PDK1: variants seen among roughly 807,000 people sequenced by gnomAD.
PDK1 encodes [Pyruvate dehydrogenase (acetyl-transferring)] kinase isozyme 1, mitochondrial.
In PDK1, 39 loss-of-function variants were observed where a neutral mutation model predicts 54.2. That is an observed-to-expected ratio of 0.72 (90% CI 0.56 to 0.94). PDK1 has a LOEUF of 0.94. Ranked by LOEUF, PDK1 falls within the 40% of genes least tolerant of loss-of-function variation. PDK1 has a pLI of 0.00. For synonymous variants in PDK1, 221 were observed against 207.1 expected, an observed-to-expected ratio of 1.07 and a Z score of -0.58; for missense variants, 552 against 566.0, an observed-to-expected ratio of 0.98 and a Z score of 0.25.
At chr2:172,703,270 C>G in the PDK1 span, among the ~76,000 whole-genome samples, 2 of 152,182 alleles carry the variant, frequency 1.3e-5, no homozygotes, top group Non-Finnish European at 2.9e-5. Context: ...GAGTACAATA[C>G]AGTCGACACC....
the PDK1 span, among the ~76,000 whole-genome samples, chr2:172,615,516 G>A: frequency 1.3e-5 from 2 of 152,144 alleles, no homozygotes; most frequent in Admixed American, 6.5e-5. Flanking sequence ...CCAGCCACTC[G>A]GGAGGCTGAG....
the PDK1 span, among the ~76,000 whole-genome samples, chr2:172,665,647 C>A: frequency 1.3e-5 from 2 of 152,142 alleles, no homozygotes; most frequent in Non-Finnish European, 2.9e-5. Context: ...ATTTGCCTAC[C>A]AGATTCCTTT....
the PDK1 span, among the ~76,000 whole-genome samples, chr2:172,617,822 T>C: frequency 1.1e-4 from 17 of 152,190 alleles, no homozygotes; most frequent in East Asian, 3.8e-4. Context: ...AATATTTTTG[T>C]GCATTATTCC....
the PDK1 span, among the ~76,000 whole-genome samples, chr2:172,722,705 G>A: frequency 2.0e-5 from 3 of 152,084 alleles, no homozygotes; most frequent in Non-Finnish European, 2.9e-5. Flanking sequence ...AAAGAACTTC[G>A]TCATCCCTGG....
chr2:172,590,366 A>G (rs889866756), intron 9 of PDK1, among the ~76,000 whole-genome samples: 3 of 152,130 alleles, frequency 2.0e-5, no homozygotes, highest in East Asian at 3.9e-4. Context: ...TGAGTGTTAC[A>G]GTTTTTAAAG....
At chr2:172,676,563 A>C in the PDK1 span, among the ~76,000 whole-genome samples, 54 of 152,368 alleles carry the variant, frequency 3.5e-4, 1 homozygote, top group Non-Finnish European at 1.6e-4. Flanking sequence ...GAATTGCTAC[A>C]ATCTCATGAT....
intron 8 of PDK1, among the ~76,000 whole-genome samples, chr2:172,579,927 A>T (rs1016513632): frequency 6.6e-6 from 1 of 151,810 alleles, no homozygotes; most frequent in African/African-American, 2.4e-5. Flanking sequence ...TTTTTATTCT[A>T]TTCTGTGAGA....
the PDK1 span, among the ~76,000 whole-genome samples, chr2:172,633,360 T>C: frequency 6.8e-6 from 1 of 146,714 alleles, no homozygotes; most frequent in African/African-American, 2.5e-5. Context: ...ATTTGATGTT[T>C]TGTATTTGTT....
chr2:172,572,732 GAAAAA>G (rs1689350815), intron 8 of PDK1, among the ~76,000 whole-genome samples: 2 of 151,862 alleles, frequency 1.3e-5, no homozygotes, highest in African/African-American at 2.4e-5. Context: ...CTGAAAAAAA[GAAAAA>G]AAGGAAAATA....
At chr2:172,624,852 G>T in the PDK1 span, among the ~76,000 whole-genome samples, 57 of 152,222 alleles carry the variant, frequency 3.7e-4, no homozygotes, top group African/African-American at 1.3e-3. Flanking sequence ...GCTGGGCGTG[G>T]TGTTGTGCAC....
intron 9 of PDK1, among the ~76,000 whole-genome samples, chr2:172,592,528 C>A (rs1295364411): frequency 6.6e-6 from 1 of 152,052 alleles, no homozygotes; most frequent in Non-Finnish European, 1.5e-5. Flanking sequence ...TCTCTCTTTC[C>A]TTTCTGCTGG....
intron 9 of PDK1, among the ~76,000 whole-genome samples, chr2:172,589,447 C>G (rs1690447736): frequency 6.6e-6 from 1 of 152,194 alleles, no homozygotes; most frequent in Non-Finnish European, 1.5e-5. Context: ...GCTGCTTACT[C>G]TCCAGGGGCC....
At position 172,568,760 on chromosome 2, in the gene PDK1, A is replaced by G. The variant is rs201570978; in HGVS notation, c.789A>G (p.Pro263=). Residue 263 remains proline (P), a synonymous_variant, in exon 7 of 11, where the codon CCA becomes CCG. Transcript: ENST00000282077. ...EELNAKSPGQ[P]IQVVYVPSHL... ...CTGTAGCAAAATCACCAGGACAGCC[A>G]ATACAAGTGGTTTATGTACCATCCC... 3.1e-6 allele frequency: 5 copies of G among 1,608,526 alleles called. No homozygotes were observed. Among genetic ancestry groups the G allele is most frequent in the Non-Finnish European group, 3.4e-6 (4 of 1,174,986 alleles).
At chr2:172,654,770 A>T in the PDK1 span, among the ~76,000 whole-genome samples, 1,065 of 152,104 alleles carry the variant, frequency 7.0e-3, 7 homozygotes, top group African/African-American at 0.023. Flanking sequence ...AATAAAAAAA[A>T]TTTTTTTTAA....
the PDK1 span, among the ~76,000 whole-genome samples, chr2:172,713,420 T>C: frequency 6.6e-6 from 1 of 152,212 alleles, no homozygotes; most frequent in Admixed American, 6.5e-5. Flanking sequence ...CTGTTCATGG[T>C]GCCCAGGCTG....
the PDK1 span, among the ~76,000 whole-genome samples, chr2:172,655,227 C>G: frequency 6.6e-6 from 1 of 152,314 alleles, no homozygotes; most frequent in South Asian, 2.1e-4. Context: ...CCCATGGGCT[C>G]TGCTTTAAGG....
the PDK1 span, among the ~76,000 whole-genome samples, chr2:172,652,268 G>A: frequency 2.0e-5 from 3 of 152,230 alleles, no homozygotes; most frequent in African/African-American, 7.2e-5. Context: ...AAATTCAACA[G>A]CCCTTCATGC....
chr2:172,571,213 G>A (rs530234664), intron 8 of PDK1, among the ~76,000 whole-genome samples: 5 of 152,160 alleles, frequency 3.3e-5, no homozygotes, highest in South Asian at 2.1e-4. Flanking sequence ...TTCTCATGAC[G>A]TAGGTAATTT....
Position 172,565,060 on chromosome 2 carries a change from T to C in PDK1, c.678T>C (p.Leu226=). Residue 226 remains leucine, a synonymous_variant, in exon 5 of 11, where the codon CTT becomes CTC. Transcript: ENST00000282077. ...GCATAAATCCAAACTGCAATGTACT[T>C]GAAGTTATTAAAGGTAAATACTGAC... ...IGSINPNCNV[L]EVIKDGYENA... is the part of the protein sequence containing the mutation. 1 of 1,588,122 alleles carries C rather than the reference T, an allele frequency of 6.3e-7. No individual in the cohort carries two copies. Among genetic ancestry groups the C allele is most frequent in the Non-Finnish European group, 8.6e-7 (1 of 1,156,654 alleles).
Sources: gnomAD v4.1 joint callset for allele counts (sites outside exome capture counted in the v4.1 genomes callset) on GRCh38, gnomAD v4.1.1 for gene constraint, MANE v1.5 for transcripts, NCBI Gene and HGNC (gene_info 2026-07-23, HGNC 2026-07-21) for gene names.